The following RPS6KC1 variants were observed in gnomAD, a reference collection of about 807,000 sequenced individuals.
RPS6KC1 encodes inactive ribosomal protein S6 kinase delta-1.
Under a neutral mutation model 103.8 loss-of-function variants are expected in RPS6KC1, and 54 were observed. The observed-to-expected ratio is 0.52, with a 90% CI of 0.42 to 0.65. The LOEUF (loss-of-function observed/expected upper bound fraction) is 0.65. Ranked by LOEUF, RPS6KC1 falls within the 30% of genes least tolerant of loss-of-function variation. RPS6KC1 has a pLI of 0.00. For synonymous variants in RPS6KC1, 439 were observed against 438.7 expected (o/e 1.00, Z -0.01); for missense variants, 1,151 against 1,253.8 (o/e 0.92, Z 1.24).
the RPS6KC1 span, among the ~76,000 whole-genome samples, chr1:213,710,328 G>A: frequency 6.6e-6 from 1 of 152,082 alleles, no homozygotes; most frequent in Non-Finnish European, 1.5e-5. Context: ...TCAGAGCCTA[G>A]GATTGCAGCC....
At chr1:213,198,870 A>C (rs1432988801) in intron 8 of RPS6KC1, among the ~76,000 whole-genome samples, 1 of 152,200 alleles carries the variant, frequency 6.6e-6, no homozygotes, top group Non-Finnish European at 1.5e-5. Context: ...ACCAGTTTTT[A>C]AATTTACCCA....
intron 6 of RPS6KC1, among the ~76,000 whole-genome samples, chr1:213,133,186 TGAAG>T (rs947187393): frequency 5.9e-5 from 9 of 152,192 alleles, no homozygotes; most frequent in Non-Finnish European, 1.3e-4. Context: ...AAGTCAGAGT[TGAAG>T]GAATCAACTT....
chr1:213,790,264 A>G, the RPS6KC1 span, among the ~76,000 whole-genome samples: 1 of 152,178 alleles, frequency 6.6e-6, no homozygotes, highest in African/African-American at 2.4e-5. Flanking sequence ...CTACTTCTAA[A>G]TATTTACTTC....
chr1:213,341,703 A>C, the RPS6KC1 span, among the ~76,000 whole-genome samples: 1 of 152,230 alleles, frequency 6.6e-6, no homozygotes, highest in Non-Finnish European at 1.5e-5. Flanking sequence ...ACAATCCTGC[A>C]AGGTACATGC....
At chr1:213,286,384 A>G in the RPS6KC1 span, among the ~76,000 whole-genome samples, 2 of 152,334 alleles carry the variant, frequency 1.3e-5, no homozygotes, top group East Asian at 1.9e-4. Flanking sequence ...ATAAGATAAC[A>G]CAGAAACTAT....
At chr1:213,477,152 G>C in the RPS6KC1 span, among the ~76,000 whole-genome samples, 2 of 151,906 alleles carry the variant, frequency 1.3e-5, no homozygotes, top group Admixed American at 6.6e-5. Context: ...TTCCTAATGT[G>C]GTCTAATGTA....
chr1:213,134,332 T>C (rs1327319806), intron 6 of RPS6KC1, among the ~76,000 whole-genome samples: 1 of 152,060 alleles, frequency 6.6e-6, no homozygotes, highest in Non-Finnish European at 1.5e-5. Context: ...TCTCTCATTT[T>C]CTTCCTTCTC....
the RPS6KC1 span, among the ~76,000 whole-genome samples, chr1:213,413,832 T>C: frequency 1.3e-5 from 2 of 152,178 alleles, no homozygotes; most frequent in African/African-American, 4.8e-5. Flanking sequence ...ACTGAGGCCA[T>C]CTTGGAGGCT....
At chr1:213,396,163 TG>T in the RPS6KC1 span, among the ~76,000 whole-genome samples, 1 of 152,164 alleles carries the variant, frequency 6.6e-6, no homozygotes, top group Non-Finnish European at 1.5e-5. Context: ...TTTTGAATGT[TG>T]GTTGCATCAC....
chr1:213,393,251 G>A, the RPS6KC1 span, among the ~76,000 whole-genome samples: 1 of 152,176 alleles, frequency 6.6e-6, no homozygotes, highest in Admixed American at 6.5e-5. Flanking sequence ...ACAAGAGAGG[G>A]CTGACATTGC....
the RPS6KC1 span, among the ~76,000 whole-genome samples, chr1:213,469,403 TA>T: frequency 6.6e-6 from 1 of 152,224 alleles, no homozygotes; most frequent in Non-Finnish European, 1.5e-5. Flanking sequence ...TTGTCTCATA[TA>T]TATGCCTATC....
At chr1:213,383,128 G>A in the RPS6KC1 span, among the ~76,000 whole-genome samples, 94 of 152,264 alleles carry the variant, frequency 6.2e-4, no homozygotes, top group African/African-American at 1.9e-3. Context: ...GTCGACCCCC[G>A]GCCGTCCGCT....
the RPS6KC1 span, among the ~76,000 whole-genome samples, chr1:213,687,442 T>C: frequency 6.6e-6 from 1 of 152,206 alleles, no homozygotes. Flanking sequence ...ACACCTACTT[T>C]TTAACAGCTT....
chr1:213,490,014 G>A, the RPS6KC1 span, among the ~76,000 whole-genome samples: 1 of 152,146 alleles, frequency 6.6e-6, no homozygotes, highest in Admixed American at 6.5e-5. Flanking sequence ...TGGAAATGCT[G>A]TGAAGGATGG....
At chr1:213,803,873 G>C in the RPS6KC1 span, among the ~76,000 whole-genome samples, 1 of 142,780 alleles carries the variant, frequency 7.0e-6, no homozygotes, top group East Asian at 2.1e-4. Flanking sequence ...TGTGATTTGT[G>C]AATCTATATC....
the RPS6KC1 span, among the ~76,000 whole-genome samples, chr1:213,646,882 C>CATATATATATATATAT: frequency 2.5e-4 from 37 of 147,142 alleles, no homozygotes; most frequent in African/African-American, 7.7e-4. Context: ...TGTGTGTATG[C>CATATATATATATATAT]ATATATATAT....
At chr1:213,629,053 G>A in the RPS6KC1 span, among the ~76,000 whole-genome samples, 21 of 152,182 alleles carry the variant, frequency 1.4e-4, no homozygotes, top group East Asian at 3.5e-3. Context: ...GAAGAATGTA[G>A]ATTCTGTTGA....
chr1:213,721,497 C>T, the RPS6KC1 span, among the ~76,000 whole-genome samples: 1 of 152,196 alleles, frequency 6.6e-6, no homozygotes. Context: ...TGTCTTTTGC[C>T]TTCCACTGTG....
the RPS6KC1 span, among the ~76,000 whole-genome samples, chr1:213,312,927 T>C: frequency 6.6e-6 from 1 of 152,244 alleles, no homozygotes; most frequent in Non-Finnish European, 1.5e-5. Context: ...CATTTCATGC[T>C]AAAAGTTAAG....
Sources: allele counts gnomAD v4.1 joint callset (sites outside exome capture counted in the v4.1 genomes callset), GRCh38; gene constraint gnomAD v4.1.1; transcripts MANE v1.5; gene names NCBI Gene and HGNC (gene_info 2026-07-23, HGNC 2026-07-21).